The following ELMO1 variants were observed in gnomAD, a reference collection of about 807,000 sequenced individuals.
ELMO1 encodes engulfment and cell motility protein 1.
A neutral mutation model predicts 98.9 loss-of-function variants in ELMO1; 26 were observed. The observed-to-expected ratio is 0.26, with a 90% CI of 0.19 to 0.36. The LOEUF is 0.36. Ranked by LOEUF, ELMO1 falls within the 10% of genes least tolerant of loss-of-function variation. The probability of loss-of-function intolerance (pLI) is 1.00; values close to 1 mark genes in which losing one functional copy is unlikely to be tolerated. For missense variants in ELMO1, 627 were observed against 935.2 expected (o/e 0.67, Z 4.30); for synonymous variants, 346 against 346.0 (o/e 1.00, Z 0.00).
At chr7:37,377,738 C>G (rs1802411705) in intron 1 of ELMO1, among the ~76,000 whole-genome samples, 1 of 152,082 alleles carries the variant, frequency 6.6e-6, no homozygotes, top group African/African-American at 2.4e-5. Context: ...AGAAATTCAG[C>G]CACCATTGAA....
intron 1 of ELMO1, among the ~76,000 whole-genome samples, chr7:37,381,661 C>T (rs1199616283): frequency 6.6e-6 from 1 of 152,190 alleles, no homozygotes; most frequent in Non-Finnish European, 1.5e-5. Flanking sequence ...GAACCATCCA[C>T]AAACCAATGT....
chr7:37,363,924 C>A (rs17171009), intron 1 of ELMO1, among the ~76,000 whole-genome samples: 2,526 of 152,230 alleles, frequency 0.017, 70 homozygotes, highest in African/African-American at 0.058. Flanking sequence ...GAAAATCACA[C>A]CCTAGGCCTA....
chr7:37,143,799 C>G (rs1363195084), intron 13 of ELMO1, among the ~76,000 whole-genome samples: 2 of 151,016 alleles, frequency 1.3e-5, no homozygotes, highest in Non-Finnish European at 2.9e-5. Context: ...CAGCCTCTGC[C>G]CCCTGGGTTC....
intron 13 of ELMO1, among the ~76,000 whole-genome samples, chr7:37,141,404 A>G (rs1787631244): frequency 1.3e-5 from 2 of 152,170 alleles, no homozygotes; most frequent in African/African-American, 4.8e-5. Flanking sequence ...AAGACTACAC[A>G]TTGGGTACAG....
At chr7:37,422,873 G>A (rs751047698) in intron 1 of ELMO1, among the ~76,000 whole-genome samples, 2 of 152,194 alleles carry the variant, frequency 1.3e-5, no homozygotes, top group Admixed American at 1.3e-4. Flanking sequence ...TTTCTACCTA[G>A]AGTTCATAAC....
intron 9 of ELMO1, among the ~76,000 whole-genome samples, chr7:37,223,986 T>G (rs2130550054): frequency 6.6e-6 from 1 of 152,018 alleles, no homozygotes; most frequent in Non-Finnish European, 1.5e-5. Context: ...GGGGCAACAG[T>G]TAGGGGGAGT....
In ELMO1 at chr7:37,260,476, C is replaced by G. The variant is rs146906066; in HGVS notation, c.244-1126G>C. 2.6e-3 allele frequency among the ~76,000 whole-genome samples: 389 copies of G among 152,266 alleles called. 2 individuals are homozygous for G. The highest frequency in any genetic ancestry group is 9.1e-3 in the African/African-American group (377 of 41,546). On this transcript the variant is annotated intron_variant, in intron 5 of 21. Coordinates refer to ENST00000310758, the MANE Select transcript of ELMO1 (RefSeq NM_014800.11). ...GCAAAACCAGTGCTGGCCACAGACTCTGCCTGGAATAGGGGAGGGAATCCA... is the reference window on the plus strand; with the variant it reads ...GCAAAACCAGTGCTGGCCACAGACTGTGCCTGGAATAGGGGAGGGAATCCA...
chr7:37,417,832 ACT>A (rs1250293449), intron 1 of ELMO1, among the ~76,000 whole-genome samples: 1 of 152,168 alleles, frequency 6.6e-6, no homozygotes, highest in African/African-American at 2.4e-5. Flanking sequence ...ACAGAGCAAG[ACT>A]CTGTCTCAAA....
At chr7:36,900,258 A>C (rs975060645) in intron 16 of ELMO1, among the ~76,000 whole-genome samples, 6 of 152,228 alleles carry the variant, frequency 3.9e-5, no homozygotes, top group Admixed American at 3.9e-4. Context: ...TTGTCATATC[A>C]CCAGCAAGCA....
chr7:36,868,122 T>C (rs1340409240), intron 20 of ELMO1, among the ~76,000 whole-genome samples: 1 of 152,196 alleles, frequency 6.6e-6, no homozygotes, highest in Non-Finnish European at 1.5e-5. Flanking sequence ...AATATATTAA[T>C]AATAATGAAT....
intron 14 of ELMO1, chr7:37,116,680 A>G (rs1449172534): frequency 2.6e-5 from 4 of 152,040 alleles, no homozygotes; most frequent in Admixed American, 6.5e-5. Flanking sequence ...TTAAAAAAAA[A>G]AAAAGAAAAG....
intron 16 of ELMO1, among the ~76,000 whole-genome samples, chr7:36,998,233 T>C (rs904128220): frequency 2.0e-5 from 3 of 152,298 alleles, no homozygotes; most frequent in East Asian, 1.9e-4. Flanking sequence ...TTCAGAACAA[T>C]GTGACTTCTT....
chr7:36,916,677 G>A (rs1584365276), intron 16 of ELMO1, among the ~76,000 whole-genome samples: 1 of 152,224 alleles, frequency 6.6e-6, no homozygotes, highest in Admixed American at 6.5e-5. Context: ...AATTGAGGAG[G>A]GGGCCTGTGC....
intron 16 of ELMO1, among the ~76,000 whole-genome samples, chr7:36,963,148 G>A (rs1789107936): frequency 1.3e-5 from 2 of 151,964 alleles, no homozygotes; most frequent in African/African-American, 4.8e-5. Flanking sequence ...ACTTTGGGAG[G>A]CCGAGGTGGG....
In ELMO1 at chr7:36,885,319, AAACAACAACAAC is replaced by A. The variant is rs143571798; in HGVS notation, c.1714+2229_1714+2240del. ...TATAGATACGGGACTAACATTTTTT[AAACAACAACAAC>A]AACAACAACAACAACAACAACAACA... On this transcript the variant is annotated intron_variant, in intron 18 of 21. Transcript: ENST00000310758. 3.2e-3 allele frequency among the ~76,000 whole-genome samples: 488 copies of A among 150,352 alleles called. 4 individuals are homozygous for A. In the East Asian group the frequency reaches 0.037, roughly 11 times the overall value.
intron 16 of ELMO1, among the ~76,000 whole-genome samples, chr7:36,948,054 C>T (rs1402962752): frequency 2.6e-5 from 4 of 152,150 alleles, no homozygotes; most frequent in Non-Finnish European, 4.4e-5. Flanking sequence ...ACTCCTATGT[C>T]GGTTCCTAGC....
At chr7:37,098,919 G>A (rs1386557319) in intron 14 of ELMO1, among the ~76,000 whole-genome samples, 2 of 152,184 alleles carry the variant, frequency 1.3e-5, no homozygotes, top group African/African-American at 4.8e-5. Context: ...CCAGCTTCCA[G>A]CGAGCACATT....
intron 16 of ELMO1, among the ~76,000 whole-genome samples, chr7:36,955,048 C>T (rs1788329615): frequency 6.6e-6 from 1 of 152,206 alleles, no homozygotes; most frequent in South Asian, 2.1e-4. Flanking sequence ...CCCATTTCTA[C>T]AGAGTTTTAT....
At chr7:37,157,606 G>C (rs1417015918) in intron 13 of ELMO1, among the ~76,000 whole-genome samples, 1 of 152,170 alleles carries the variant, frequency 6.6e-6, no homozygotes, top group Non-Finnish European at 1.5e-5. Context: ...TACAAGGGAT[G>C]TGAAGGAACT....
Sources: allele counts gnomAD v4.1 joint callset (sites outside exome capture counted in the v4.1 genomes callset), GRCh38; gene constraint gnomAD v4.1.1; transcripts MANE v1.5; gene names NCBI Gene and HGNC (gene_info 2026-07-23, HGNC 2026-07-21).